The following CLIC5 variants were observed in gnomAD, a reference collection of about 807,000 sequenced individuals.
CLIC5 encodes CLIC family member 5.
CLIC5 carries 20 observed loss-of-function variants against 24.7 expected under a neutral mutation model. That is an observed-to-expected ratio of 0.81 (90% CI 0.57 to 1.18). CLIC5 has a LOEUF of 1.18. CLIC5 is among the 50% of genes most tolerant of loss of function. The pLI is 0.00. For missense variants in CLIC5, 341 were observed against 326.1 expected, an observed-to-expected ratio of 1.05 and a Z score of -0.35; for synonymous variants, 159 against 135.6, an observed-to-expected ratio of 1.17 and a Z score of -1.20.
intron 1 of CLIC5, among the ~76,000 whole-genome samples, chr6:45,964,864 G>T (rs779745728): frequency 6.6e-6 from 1 of 152,184 alleles, no homozygotes; most frequent in African/African-American, 2.4e-5. Context: ...TACACACTTA[G>T]CTTCAGGCCC....
rs1309967471 is a variant in CLIC5 at position 45,999,806 on chromosome 6, C to T, written c.63+15674G>A. Among the ~76,000 whole-genome samples, 6 of 24,824 alleles carry T rather than the reference C, an allele frequency of 2.4e-4. 2 individuals are homozygous for T. In the East Asian group the frequency reaches 0.015, roughly 60 times the overall value. 16.3% of individuals were successfully genotyped at this position (24,824 alleles called of 152,430 possible). On this transcript the variant is annotated intron_variant, in intron 1 of 5. Coordinates refer to ENST00000339561, the MANE Select transcript of CLIC5 (RefSeq NM_016929.5). Reference sequence around the variant, plus strand: ...CAGGCAGGACTGCGGACTGCAGTGGCGCAATCTCGGCTCACTGCAAGCTCC... The same window carrying T: ...CAGGCAGGACTGCGGACTGCAGTGGTGCAATCTCGGCTCACTGCAAGCTCC...
chr6:46,122,021 C>T, the CLIC5 span, among the ~76,000 whole-genome samples: 991 of 152,204 alleles, frequency 6.5e-3, 8 homozygotes, highest in African/African-American at 0.02. Flanking sequence ...GACAGATCAA[C>T]GAGAGAGAAA....
In CLIC5 at chr6:45,976,840, G is replaced by C. The variant is rs574484912; in HGVS notation, c.64-21596C>G. ...CATTAACTAGAATAGACAAAAGGCA[G>C]CTTGTCGGAAAATAACACTAACAAC... On this transcript the variant is annotated intron_variant, in intron 1 of 5. Coordinates refer to ENST00000339561, the MANE Select transcript of CLIC5 (RefSeq NM_016929.5). 1.2e-3 allele frequency among the ~76,000 whole-genome samples: 188 copies of C among 152,298 alleles called. 1 individual carries two copies. The highest frequency in any genetic ancestry group is 4.3e-3 in the African/African-American group (179 of 41,566).
At position 46,021,985 on chromosome 6, in the gene CLIC5, T is replaced by C. The variant is rs538962762; in HGVS notation, c.540+57718A>G. Among the ~76,000 whole-genome samples the C allele has an allele frequency of 3.7e-4, 56 of 152,364 alleles. No homozygotes were observed. In the South Asian group the frequency reaches 0.012, roughly 32 times the overall value. Reference sequence around the variant, plus strand: ...AAAAAGGTAAAGCCATCAGGTTCTATTGCCATACCCACTTTCCACACAGTC... The same window carrying C: ...AAAAAGGTAAAGCCATCAGGTTCTACTGCCATACCCACTTTCCACACAGTC... On this transcript the variant is annotated intron_variant, in intron 1 of 5. Transcript: ENST00000185206.
the CLIC5 span, among the ~76,000 whole-genome samples, chr6:46,119,227 T>C: frequency 6.6e-6 from 1 of 152,322 alleles, no homozygotes; most frequent in South Asian, 2.1e-4. Context: ...TACACCATGC[T>C]AATCTGCAAG....
intron 5 of CLIC5, among the ~76,000 whole-genome samples, chr6:45,913,582 G>A (rs901057876): frequency 2.6e-5 from 4 of 152,196 alleles, no homozygotes; most frequent in African/African-American, 9.7e-5. Flanking sequence ...AGTGGTCCAG[G>A]TTGAAGTGGG....
chr6:46,016,687 G>A (rs997283937), upstream of CLIC5, among the ~76,000 whole-genome samples: 6 of 152,074 alleles, frequency 3.9e-5, no homozygotes, highest in Non-Finnish European at 8.8e-5. Flanking sequence ...CCCATGTAAC[G>A]AGCGCCAGAT....
chr6:46,060,103 C>T (rs1762208331), intron 1 of CLIC5, among the ~76,000 whole-genome samples: 2 of 152,244 alleles, frequency 1.3e-5, no homozygotes, highest in East Asian at 1.9e-4. Context: ...ACTGATACTA[C>T]AGAGACATCT....
intron 1 of CLIC5, among the ~76,000 whole-genome samples, chr6:45,974,493 G>GTATA (rs1294058722): frequency 4.9e-4 from 42 of 85,374 alleles, no homozygotes; most frequent in African/African-American, 1.7e-3. Context: ...CTGTGTGTGT[G>GTATA]TGTGTATATA....
chr6:46,091,987 G>A, the CLIC5 span, among the ~76,000 whole-genome samples: 7 of 152,050 alleles, frequency 4.6e-5, no homozygotes, highest in Admixed American at 6.6e-5. Context: ...GTGGGCAAGC[G>A]TCCCCTTTTC....
intron 1 of CLIC5, among the ~76,000 whole-genome samples, chr6:46,003,921 A>G (rs1231425248): frequency 1.3e-5 from 2 of 152,216 alleles, no homozygotes; most frequent in Non-Finnish European, 2.9e-5. Context: ...AGAGCAACCC[A>G]TCATGCAGCC....
intron 1 of CLIC5, among the ~76,000 whole-genome samples, chr6:46,042,082 T>C (rs1767822913): frequency 6.6e-6 from 1 of 152,174 alleles, no homozygotes; most frequent in East Asian, 1.9e-4. Flanking sequence ...GAGAGAATAA[T>C]GTTCTCTTTT....
At chr6:45,916,109 T>C (rs1313282794) in intron 4 of CLIC5, among the ~76,000 whole-genome samples, 1 of 152,218 alleles carries the variant, frequency 6.6e-6, no homozygotes, top group Non-Finnish European at 1.5e-5. Flanking sequence ...GGCCTTTTGT[T>C]TGAGACAATG....
At chr6:46,049,298 C>T (rs780979439) in intron 1 of CLIC5, among the ~76,000 whole-genome samples, 1 of 152,100 alleles carries the variant, frequency 6.6e-6, no homozygotes, top group Non-Finnish European at 1.5e-5. Flanking sequence ...TAACATCTCC[C>T]AGGAACTTGT....
chr6:46,108,399 TGTGA>T, the CLIC5 span, among the ~76,000 whole-genome samples: 1 of 134,334 alleles, frequency 7.4e-6, no homozygotes, highest in East Asian at 2.1e-4. Context: ...TGTGTGTGTG[TGTGA>T]GAGAGAGAGA....
intron 4 of CLIC5, among the ~76,000 whole-genome samples, chr6:45,924,622 T>A (rs1763405108): frequency 6.6e-6 from 1 of 152,160 alleles, no homozygotes; most frequent in Non-Finnish European, 1.5e-5. Context: ...TTTAAAATAG[T>A]GTGTCCTTTT....
rs377580573 is a variant in CLIC5 at position 45,936,676 on chromosome 6, CTA to C, written c.406+4869_406+4870del. On this transcript the variant is annotated intron_variant, in intron 4 of 5. Transcript: ENST00000339561. ...AAAGCTGGTGTCTGAACTCTGAACTCTAAAGTAGTTGGCTTTAGAGTCTGCAA... is the reference window on the plus strand; with the variant it reads ...AAAGCTGGTGTCTGAACTCTGAACTCAAGTAGTTGGCTTTAGAGTCTGCAA... 6.9e-3 allele frequency among the ~76,000 whole-genome samples: 1,048 copies of C among 152,242 alleles called. 10 individuals are homozygous for C. The highest frequency in any genetic ancestry group is 0.023 in the African/African-American group (968 of 41,534).
intron 1 of CLIC5, chr6:46,014,674 G>C (rs1027526241): frequency 1.3e-5 from 2 of 152,222 alleles, no homozygotes; most frequent in Non-Finnish European, 2.9e-5. Context: ...TACACCGGCG[G>C]ACCGGGAAAC....
chr6:45,928,373 A>G (rs1763584535), intron 4 of CLIC5, among the ~76,000 whole-genome samples: 1 of 152,240 alleles, frequency 6.6e-6, no homozygotes, highest in Non-Finnish European at 1.5e-5. Context: ...ACCAAAAATG[A>G]GGGAATCTGT....
Sources: allele counts gnomAD v4.1 joint callset (sites outside exome capture counted in the v4.1 genomes callset), GRCh38; gene constraint gnomAD v4.1.1; transcripts MANE v1.5; gene names NCBI Gene and HGNC (gene_info 2026-07-23, HGNC 2026-07-21).